The following DAPK1 variants were observed in gnomAD, a reference collection of about 807,000 sequenced individuals.
The protein encoded by DAPK1 is death associated protein kinase 1.
A neutral mutation model predicts 144.9 loss-of-function variants in DAPK1; 56 were observed. The observed-to-expected ratio is 0.39, with a 90% confidence interval of 0.31 to 0.48. DAPK1 has a LOEUF of 0.48. Ranked by LOEUF, DAPK1 falls within the 20% of genes least tolerant of loss-of-function variation. The probability of loss-of-function intolerance (pLI) is 0.95; values close to 1 mark genes in which losing one functional copy is unlikely to be tolerated. For missense variants in DAPK1, 1,454 were observed against 1,875.4 expected, an observed-to-expected ratio of 0.78 and a Z score of 4.15; for synonymous variants, 690 against 749.0, an observed-to-expected ratio of 0.92 and a Z score of 1.29.
chr9:87,532,766 T>C (rs1825739347), intron 2 of DAPK1, among the ~76,000 whole-genome samples: 1 of 152,122 alleles, frequency 6.6e-6, no homozygotes, highest in Admixed American at 6.5e-5. Flanking sequence ...CTTCCAACAT[T>C]TTATTACGAA....
chr9:87,523,057 T>C (rs1304275621), intron 2 of DAPK1, among the ~76,000 whole-genome samples: 2 of 151,870 alleles, frequency 1.3e-5, no homozygotes, highest in Non-Finnish European at 2.9e-5. Context: ...TTCTGGTACT[T>C]TTCTCCCCAT....
intron 2 of DAPK1, among the ~76,000 whole-genome samples, chr9:87,573,122 C>T (rs1376891534): frequency 6.6e-6 from 1 of 152,222 alleles, no homozygotes; most frequent in East Asian, 1.9e-4. Context: ...AACACCTTCC[C>T]TCCTCATAAT....
intron 2 of DAPK1, among the ~76,000 whole-genome samples, chr9:87,570,072 C>T (rs1827274253): frequency 1.3e-5 from 2 of 152,066 alleles, no homozygotes; most frequent in Non-Finnish European, 2.9e-5. Flanking sequence ...TACACCTTAT[C>T]TTGAAGTTTG....
At chr9:87,648,677 G>A in intron 14 of DAPK1, 104 bp from the exon 15 acceptor site, 1 of 1,031,404 alleles carries the variant, frequency 9.7e-7, no homozygotes, top group Admixed American at 1.8e-5. Context: ...GAACCAAAGG[G>A]GACAGAGTGG....
In DAPK1 at chr9:87,619,973, C is replaced by T. The variant is rs377694067; in HGVS notation, c.284+14798C>T. ...TTACCCATTACAGCATCCTCCATGG[C>T]ACTCACCCCAATCTTACTCTGGCAT... On this transcript the variant is annotated intron_variant, in intron 3 of 25. Transcript: ENST00000408954. 2.1e-4 allele frequency among the ~76,000 whole-genome samples: 32 copies of T among 152,346 alleles called. No individual in the cohort carries two copies. The East Asian group carries it at 5.4e-3, about 26-fold the overall frequency.
chr9:87,525,377 A>G, intron 2 of DAPK1: 2 of 1,611,536 alleles, frequency 1.2e-6, no homozygotes, highest in Admixed American at 1.7e-5. Flanking sequence ...CGTGTGTTCA[A>G]ACAACCGGCA....
intron 20 of DAPK1, among the ~76,000 whole-genome samples, chr9:87,684,794 A>T (rs1824780248): frequency 6.6e-6 from 1 of 152,232 alleles, no homozygotes. Flanking sequence ...GCAGTAGCTA[A>T]CAAAAATGAT....
At chr9:87,626,388 A>G (rs1402263141) in intron 3 of DAPK1, among the ~76,000 whole-genome samples, 1 of 152,176 alleles carries the variant, frequency 6.6e-6, no homozygotes, top group African/African-American at 2.4e-5. Flanking sequence ...GCACTCCAGC[A>G]TGGGCAACAA....
chr9:87,640,176 C>T (rs1830046463), intron 7 of DAPK1, 122 bp from the exon 8 acceptor site: 3 of 1,011,698 alleles, frequency 3.0e-6, no homozygotes, highest in South Asian at 1.7e-5. Context: ...GAAATATAAT[C>T]AAACTGTGAC....
chr9:87,505,392 TTTGA>T (rs1379620706), intron 2 of DAPK1, among the ~76,000 whole-genome samples: 1 of 152,136 alleles, frequency 6.6e-6, no homozygotes, highest in Admixed American at 6.5e-5. Context: ...TTTTTGTTTG[TTTGA>T]TTTTGTTTTG....
intron 2 of DAPK1, among the ~76,000 whole-genome samples, chr9:87,520,074 A>G (rs1296083527): frequency 6.6e-6 from 1 of 152,202 alleles, no homozygotes; most frequent in Admixed American, 6.5e-5. Flanking sequence ...GTCTTAATAT[A>G]GAATTGACTT....
chr9:87,509,279 C>T (rs563549845), intron 2 of DAPK1, among the ~76,000 whole-genome samples: 108 of 152,242 alleles, frequency 7.1e-4, no homozygotes, highest in Middle Eastern at 3.4e-3. Flanking sequence ...AGGCAAAAAG[C>T]GCTAAAAAGT....
chr9:87,545,546 TA>T (rs1248412378), intron 2 of DAPK1, among the ~76,000 whole-genome samples: 1 of 152,178 alleles, frequency 6.6e-6, no homozygotes, highest in African/African-American at 2.4e-5. Flanking sequence ...ATTTCAGCTT[TA>T]AAAAAAATTT....
chr9:87,594,789 G>A (rs115720167), intron 2 of DAPK1, among the ~76,000 whole-genome samples: 220 of 152,352 alleles, frequency 1.4e-3, no homozygotes, highest in Middle Eastern at 0.014. Flanking sequence ...ATCCATCATA[G>A]ATTTGCCTGT....
chr9:87,639,260 C>CTTT (rs112724520), intron 4 of DAPK1, 94 bp from the exon 5 acceptor site: 60 of 982,332 alleles, frequency 6.1e-5, no homozygotes, highest in South Asian at 3.5e-4. Context: ...ACTTTTTGGC[C>CTTT]TTTTTTTTTT....
intron 2 of DAPK1, among the ~76,000 whole-genome samples, chr9:87,503,621 T>C (rs1824487721): frequency 1.3e-5 from 2 of 152,202 alleles, no homozygotes; most frequent in Admixed American, 1.3e-4. Context: ...AAATGCATGC[T>C]GTTAGACTAG....
At chr9:87,626,447 CAA>C (rs1829497413) in intron 3 of DAPK1, among the ~76,000 whole-genome samples, 1 of 151,320 alleles carries the variant, frequency 6.6e-6, no homozygotes, top group African/African-American at 2.4e-5. Context: ...CAAAAAACAA[CAA>C]CAACAACAAC....
At chr9:87,544,427 A>C (rs998058624) in intron 2 of DAPK1, among the ~76,000 whole-genome samples, 1 of 152,228 alleles carries the variant, frequency 6.6e-6, no homozygotes, top group Admixed American at 6.5e-5. Flanking sequence ...TGTTATAGAT[A>C]TGGTGAAGAA....
At chr9:87,676,929 C>T (rs1824407068) in intron 19 of DAPK1, among the ~76,000 whole-genome samples, 1 of 152,180 alleles carries the variant, frequency 6.6e-6, no homozygotes, top group Non-Finnish European at 1.5e-5. Flanking sequence ...GGAGGAAGAC[C>T]TGGTAGTGAG....
Sources: gnomAD v4.1 joint callset for allele counts (sites outside exome capture counted in the v4.1 genomes callset) on GRCh38, gnomAD v4.1.1 for gene constraint, MANE v1.5 for transcripts, NCBI Gene and HGNC (gene_info 2026-07-23, HGNC 2026-07-21) for gene names.